Variants in AGO2 observed in about 807,000 individuals in gnomAD.
The protein encoded by AGO2 is argonaute RISC catalytic component 2.
A neutral mutation model predicts 102.3 loss-of-function variants in AGO2; 5 were observed. The ratio of observed to expected loss-of-function variants is 0.05; its 90% CI spans 0.03 to 0.10. The LOEUF (loss-of-function observed/expected upper bound fraction) is 0.10, where lower values mean the gene tolerates loss of function less well. AGO2 is among the 10% of genes least tolerant of loss of function. AGO2 has a pLI of 1.00. For missense variants in AGO2, 541 were observed against 1,183.7 expected, an observed-to-expected ratio of 0.46 and a Z score of 7.97; for synonymous variants, 449 against 473.1, an observed-to-expected ratio of 0.95 and a Z score of 0.66.
rs540824633 is a variant in AGO2, at chr8:140,547,455, G to A, written c.1748+13C>T. 6 of 1,612,650 alleles carry A rather than the reference G, an allele frequency of 3.7e-6. No homozygotes were observed. The South Asian group carries it at 5.5e-5, about 15-fold the overall frequency. On this transcript the variant is annotated intron_variant, in intron 13 of 18. Transcript: ENST00000220592. Reference sequence around the variant, plus strand: ...CCTGGTCCGCAGGCGGAGGTAAAGGGGCCGGGCCTCACCTGCCCTGGGGCA... The same window carrying A: ...CCTGGTCCGCAGGCGGAGGTAAAGGAGCCGGGCCTCACCTGCCCTGGGGCA...
At chr8:140,537,144 T>C (rs1016161255) in intron 16 of AGO2, among the ~76,000 whole-genome samples, 3 of 152,144 alleles carry the variant, frequency 2.0e-5, no homozygotes, top group East Asian at 1.9e-4. Context: ...TTTAATTGTA[T>C]AATGATTTAA....
In AGO2 at chr8:140,559,456, A is replaced by G; in HGVS notation, c.729T>C (p.Ile243=). The G allele has an allele frequency of 6.2e-7, 1 of 1,614,224 alleles. No individual in the cohort carries two copies. The highest frequency in any genetic ancestry group is 2.2e-5 in the East Asian group (1 of 44,882). ...CTGTCAGAGGTTTTTGTTGTTCTTC[A>G]ATACTTTTAAAATCCAAAACTTCAC... The part of the protein sequence containing the change: ...FVCEVLDFKS[I]EEQQKPLTDS... The change falls in exon 6 of 19, where the codon ATT becomes ATC. Residue 243 remains isoleucine, a synonymous_variant. Coordinates refer to ENST00000220592, the MANE Select transcript of AGO2 (RefSeq NM_012154.5).
chr8:140,604,157 G>A lies in AGO2; in HGVS notation c.23-18846C>T, dbSNP rs559828481. On this transcript the variant is annotated intron_variant, in intron 1 of 18. Coordinates refer to ENST00000220592, the MANE Select transcript of AGO2 (RefSeq NM_012154.5). ...GCTGTAGGCCACAAGACCTTGAGGC[G>A]CACCAGGGAAACGACGCGATGGAGC... Among the ~76,000 whole-genome samples, 608 of 152,336 alleles carry A rather than the reference G, an allele frequency of 4.0e-3. 2 individuals carry two copies. Among genetic ancestry groups the A allele is most frequent in the Non-Finnish European group, 6.6e-3 (448 of 68,030 alleles).
At chr8:140,620,268 G>GGCACATA (rs1161691626) in intron 1 of AGO2, among the ~76,000 whole-genome samples, 8 of 152,170 alleles carry the variant, frequency 5.3e-5, no homozygotes, top group Non-Finnish European at 4.4e-5. Flanking sequence ...GTGCCTAAGA[G>GGCACATA]CTGTAGGCCG....
intron 1 of AGO2, among the ~76,000 whole-genome samples, chr8:140,597,609 C>A (rs529986631): frequency 2.5e-4 from 38 of 152,150 alleles, no homozygotes; most frequent in Non-Finnish European, 4.9e-4. Flanking sequence ...AGGCTCACTC[C>A]TGTCAGCTTC....
At chr8:140,607,864 G>A (rs1007839620) in intron 1 of AGO2, among the ~76,000 whole-genome samples, 2 of 152,064 alleles carry the variant, frequency 1.3e-5, no homozygotes, top group Non-Finnish European at 2.9e-5. Context: ...GGAGTGATGC[G>A]CGCCCAACAT....
At chr8:140,550,866 G>C (rs2132910066) in intron 11 of AGO2, among the ~76,000 whole-genome samples, 1 of 152,256 alleles carries the variant, frequency 6.6e-6, no homozygotes, top group East Asian at 1.9e-4. Context: ...AAGTGCTGGG[G>C]ATTACAGGCA....
rs555908867 is a variant in AGO2, at chr8:140,589,923, A to G, written c.23-4612T>C. Among the ~76,000 whole-genome samples, 3 of 152,358 alleles carry G rather than the reference A, an allele frequency of 2.0e-5. No individual in the cohort carries two copies. In the East Asian group the frequency reaches 5.8e-4, roughly 29 times the overall value. On this transcript the variant is annotated intron_variant, in intron 1 of 18. Coordinates refer to ENST00000220592, the MANE Select transcript of AGO2 (RefSeq NM_012154.5). This position sits in a 1 kb window ranked among gnomAD's most constrained non-coding sequence, Gnocchi z 4.2. Reference sequence around the variant, plus strand: ...GTGACAACTCACCTGTTGTCTACACAAGCAAGCCTCCCTTATGGCCACCCA... The same window carrying G: ...GTGACAACTCACCTGTTGTCTACACGAGCAAGCCTCCCTTATGGCCACCCA...
intron 1 of AGO2, among the ~76,000 whole-genome samples, chr8:140,632,702 C>A (rs1174290016): frequency 6.6e-6 from 1 of 152,166 alleles, no homozygotes; most frequent in Admixed American, 6.5e-5. Flanking sequence ...AGAATCCACC[C>A]ATCTTAAACA....
rs112273026 is a variant in AGO2 at position 140,559,588 on chromosome 8, C to T, written c.656-59G>A. The stretch of plus-strand genomic sequence containing the variant: ...TGACTGTGGGGCTGCTGGACGGGCC[C>T]ATAGTCCTGGAGGGGCCTCATAGGC... On this transcript the variant is annotated intron_variant, in intron 5 of 18. Transcript: ENST00000220592. The T allele has an allele frequency of 7.2e-5, 115 of 1,603,902 alleles. 1 individual carries two copies. The African/African-American group carries it at 8.6e-4, about 12-fold the overall frequency.
chr8:140,534,830 C>G (rs2072667226), intron 17 of AGO2, among the ~76,000 whole-genome samples: 1 of 152,206 alleles, frequency 6.6e-6, no homozygotes, highest in Non-Finnish European at 1.5e-5. Flanking sequence ...CCGGGCGAGG[C>G]TCTGCAGAGC....
At chr8:140,605,781 G>A (rs1426698810) in intron 1 of AGO2, 1 of 152,278 alleles carries the variant, frequency 6.6e-6, no homozygotes, top group African/African-American at 2.4e-5. Flanking sequence ...CAGGAAGGGA[G>A]GAGAAAGCTA....
chr8:140,593,113 C>A (rs1024995890), intron 1 of AGO2: 6 of 152,178 alleles, frequency 3.9e-5, no homozygotes, highest in Non-Finnish European at 7.3e-5. Context: ...TTTTTTCACC[C>A]AAAACATACA....
chr8:140,558,150 C>A (rs919224175), intron 7 of AGO2, among the ~76,000 whole-genome samples: 3 of 152,258 alleles, frequency 2.0e-5, no homozygotes, highest in Admixed American at 1.3e-4. Context: ...GGGAAGGGGG[C>A]GTGGGTCAGG....
chr8:140,621,963 C>A (rs2074222826), intron 1 of AGO2, among the ~76,000 whole-genome samples: 1 of 152,138 alleles, frequency 6.6e-6, no homozygotes, highest in Non-Finnish European at 1.5e-5. Flanking sequence ...AAAACTTGTA[C>A]ACAAATGCTC....
At chr8:140,550,480 G>A (rs770781538) in intron 11 of AGO2, among the ~76,000 whole-genome samples, 5 of 152,154 alleles carry the variant, frequency 3.3e-5, no homozygotes, top group Non-Finnish European at 7.4e-5. Context: ...CACAGCACTT[G>A]GGCCTCCTAG....
intron 1 of AGO2, among the ~76,000 whole-genome samples, chr8:140,622,122 G>C (rs1030214777): frequency 2.6e-5 from 4 of 152,226 alleles, no homozygotes; most frequent in Non-Finnish European, 5.9e-5. Context: ...CCGAGTGAAA[G>C]AAGGAGACAC....
In AGO2 at chr8:140,526,803, GAC is replaced by G. The variant is rs148047035; in HGVS notation, c.*5239_*5240del. 6.6e-6 allele frequency: 1 copy of G among 152,312 alleles called. No homozygotes were observed. Among genetic ancestry groups the G allele is most frequent in the Non-Finnish European group, 1.5e-5 (1 of 68,046 alleles). The allele number at this position is 152,312 out of a possible 1,614,324, so 9.4% of individuals were successfully genotyped here. A position where few individuals can be genotyped will look rare whatever the true frequency, so the allele number is the denominator to read the frequency against. ...ACCGTAATGGCACTGGTGTGACTCG[GAC>G]ACACACACAGACTGGTCTGGGGCTG... On this transcript the variant is annotated 3_prime_UTR_variant, in exon 19 of 19. Transcript: ENST00000220592. This position sits in a 1 kb window ranked among gnomAD's most constrained non-coding sequence, Gnocchi z 5.2.
At chr8:140,634,780 T>C (rs887721260) in intron 1 of AGO2, among the ~76,000 whole-genome samples, 2 of 152,042 alleles carry the variant, frequency 1.3e-5, no homozygotes, top group Non-Finnish European at 2.9e-5. Flanking sequence ...CGCACGCAGT[T>C]TGAGGGTTCC....
Sources: gnomAD v4.1 joint callset for allele counts (sites outside exome capture counted in the v4.1 genomes callset) on GRCh38, gnomAD v4.1.1 for gene constraint, Gnocchi (gnomAD v3.1) non-coding constraint, MANE v1.5 for transcripts, NCBI Gene and HGNC (gene_info 2026-07-23, HGNC 2026-07-21) for gene names.